The following ARID3A variants were observed in gnomAD, a reference collection of about 807,000 sequenced individuals.
ARID3A encodes the protein AT-rich interactive domain-containing protein 3A.
ARID3A carries 11 observed loss-of-function variants against 52.7 expected under a neutral mutation model. The ratio of observed to expected loss-of-function variants is 0.21; its 90% CI spans 0.13 to 0.35. ARID3A has a LOEUF of 0.35. ARID3A is among the 10% of genes least tolerant of loss of function. The pLI, the probability that ARID3A is intolerant of heterozygous loss-of-function variation, is 1.00. For missense variants in ARID3A, 721 were observed against 838.5 expected, an observed-to-expected ratio of 0.86 and a Z score of 1.73; for synonymous variants, 404 against 359.4, an observed-to-expected ratio of 1.12 and a Z score of -1.40.
intron 1 of ARID3A, among the ~76,000 whole-genome samples, chr19:927,434 C>T (rs920850151): frequency 4.6e-5 from 7 of 152,100 alleles, no homozygotes; most frequent in Non-Finnish European, 1.0e-4. Context: ...CCACCGGCCC[C>T]AACGTGGAGG....
rs1328805822 is a variant in ARID3A at position 973,926 on chromosome 19, T to A, written c.*1861T>A. The A allele has an allele frequency of 4.3e-6, 1 of 230,592 alleles. No individual in the cohort carries two copies. Among genetic ancestry groups the A allele is most frequent in the Admixed American group, 5.6e-5 (1 of 17,700 alleles). The allele number at this position is 230,592 out of a possible 1,614,324, so 14.3% of individuals were successfully genotyped here. A position where few individuals can be genotyped will look rare whatever the true frequency, so the allele number is the denominator to read the frequency against. The stretch of plus-strand genomic sequence containing the variant: ...GGGACTTCGTTGGACCCGCGTGGTG[T>A]TGGGCGGGGCTGTCGTGTCCTACAC... On this transcript the variant is annotated 3_prime_UTR_variant, in exon 9 of 9. Transcript: ENST00000263620.
intron 3 of ARID3A, among the ~76,000 whole-genome samples, chr19:957,251 AT>A (rs1375813500): frequency 1.3e-5 from 2 of 152,042 alleles, no homozygotes; most frequent in African/African-American, 4.8e-5. Flanking sequence ...TCGGTGGCTC[AT>A]TTCATAGCTG....
At chr19:958,877 G>T (rs1011624175) in intron 3 of ARID3A, among the ~76,000 whole-genome samples, 2 of 151,756 alleles carry the variant, frequency 1.3e-5, no homozygotes, top group African/African-American at 4.8e-5. Context: ...TGGGGACAGC[G>T]AGACTCCGTC....
chr19:949,319 C>T (rs1322503247), intron 3 of ARID3A, among the ~76,000 whole-genome samples: 2 of 152,108 alleles, frequency 1.3e-5, no homozygotes, highest in Non-Finnish European at 2.9e-5. Context: ...GGAGCAGCAG[C>T]CGCAGGTGCT....
chr19:930,914 C>T (rs1194048713), intron 2 of ARID3A, among the ~76,000 whole-genome samples: 1 of 152,194 alleles, frequency 6.6e-6, no homozygotes, highest in Admixed American at 6.5e-5. Context: ...ACCTGCATAG[C>T]GTGTGGGTCC....
At chr19:930,738 T>C (rs1436355972) in intron 2 of ARID3A, among the ~76,000 whole-genome samples, 1 of 150,862 alleles carries the variant, frequency 6.6e-6, no homozygotes, top group Non-Finnish European at 1.5e-5. Flanking sequence ...CTCGATCTCC[T>C]GACCTCATGA....
intron 3 of ARID3A, among the ~76,000 whole-genome samples, chr19:940,359 G>A (rs923369853): frequency 4.6e-5 from 7 of 152,012 alleles, no homozygotes; most frequent in East Asian, 1.9e-4. Flanking sequence ...GCACTGGGCC[G>A]CATTTACAGC....
At position 975,475 on chromosome 19, in the gene ARID3A, T is replaced by TG. The variant is rs1367542428; in HGVS notation, c.*3411dup. 9 of 228,288 alleles carry TG rather than the reference T, an allele frequency of 3.9e-5. No homozygotes were observed. Among genetic ancestry groups the TG allele is most frequent in the Non-Finnish European group, 6.1e-5 (7 of 114,886 alleles). The allele number at this position is 228,288 out of a possible 1,614,324, so 14.1% of individuals were successfully genotyped here. A position where few individuals can be genotyped will look rare whatever the true frequency, so the allele number is the denominator to read the frequency against. On this transcript the variant is annotated 3_prime_UTR_variant, in exon 9 of 9. Coordinates refer to ENST00000263620, the MANE Select transcript of ARID3A (RefSeq NM_005224.3). Reference sequence around the variant, plus strand: ...TCCCTTTTTTCCCCAATTGTGCTTTTGCATTTTTTTCCTTGGCAAATGTAA... The same window carrying TG: ...TCCCTTTTTTCCCCAATTGTGCTTTTGGCATTTTTTTCCTTGGCAAATGTAA...
chr19:930,348 T>C (rs1852120550), intron 2 of ARID3A, among the ~76,000 whole-genome samples: 1 of 150,716 alleles, frequency 6.6e-6, no homozygotes, highest in Non-Finnish European at 1.5e-5. Context: ...GGTCAGGAGC[T>C]CAAGACCAGC....
intron 3 of ARID3A, among the ~76,000 whole-genome samples, chr19:936,091 G>T (rs534288114): frequency 1.3e-5 from 2 of 151,862 alleles, no homozygotes; most frequent in Admixed American, 6.6e-5. Context: ...CGCCCGGCCC[G>T]TGATGGGATT....
rs548161631 is a variant in ARID3A, at chr19:966,347, A to G, written c.1199-225A>G. On this transcript the variant is annotated intron_variant, in intron 6 of 8. Transcript: ENST00000263620. ...GGTGGCGGGTGCCTGTTTCCCAGCT[A>G]CTAGGGAGGCTAAGGCAGGAGAATC... is the stretch of plus-strand genomic sequence containing the variant. 1.1e-4 allele frequency among the ~76,000 whole-genome samples: 16 copies of G among 151,608 alleles called. No homozygotes were observed. The South Asian group carries it at 1.5e-3, about 14-fold the overall frequency.
chr19:966,332 G>T (rs1226897111), intron 6 of ARID3A, among the ~76,000 whole-genome samples: 1 of 150,952 alleles, frequency 6.6e-6, no homozygotes, highest in Non-Finnish European at 1.5e-5. Context: ...GGTGGCGGGT[G>T]CCTGTTTCCC....
intron 3 of ARID3A, among the ~76,000 whole-genome samples, chr19:945,504 G>A (rs745863737): frequency 1.2e-4 from 19 of 152,280 alleles, no homozygotes; most frequent in African/African-American, 3.1e-4. Context: ...TCCCTGGAGC[G>A]GGCAGAGCCT....
chr19:940,784 C>T (rs956623244), intron 3 of ARID3A, among the ~76,000 whole-genome samples: 27 of 152,108 alleles, frequency 1.8e-4, no homozygotes, highest in Non-Finnish European at 2.4e-4. Flanking sequence ...CCGGGAGCCC[C>T]GGCTGCACGT....
chr19:963,930 G>A (rs936978635), intron 4 of ARID3A, among the ~76,000 whole-genome samples: 1 of 152,218 alleles, frequency 6.6e-6, no homozygotes, highest in African/African-American at 2.4e-5. Flanking sequence ...GCGTGGAGAA[G>A]GAATAACAAA....
chr19:965,322 T>C, intron 6 of ARID3A: 1 of 522,924 alleles, frequency 1.9e-6, no homozygotes, highest in Non-Finnish European at 3.4e-6. Flanking sequence ...TTTCCAGTCC[T>C]GTGGCCAAGG....
intron 4 of ARID3A, among the ~76,000 whole-genome samples, chr19:963,711 C>T (rs1175569440): frequency 2.6e-5 from 4 of 152,150 alleles, no homozygotes; most frequent in Admixed American, 1.3e-4. Context: ...ACCCTCTCCT[C>T]CTGGGCTAGC....
intron 3 of ARID3A, among the ~76,000 whole-genome samples, chr19:946,538 T>G (rs1409775948): frequency 1.3e-5 from 2 of 150,982 alleles, no homozygotes; most frequent in Non-Finnish European, 2.9e-5. Flanking sequence ...CCTCCCGGGT[T>G]CACGCCATTT....
Position 966,663 on chromosome 19 carries a change from G to C in ARID3A, c.1290G>C (p.Val430=). ...TGGTGGCAGCCCAGGCAGCAGCTGT[G>C]CAAGCAGCAGCCGCCCAAGCAGCTG... ...HPVVAAQAAA[V]QAAAAQAAVA... Residue 430 remains valine (V), a synonymous_variant, in exon 7 of 9, where the codon GTG becomes GTC. Coordinates refer to ENST00000263620, the MANE Select transcript of ARID3A (RefSeq NM_005224.3). The C allele has an allele frequency of 6.2e-7, 1 of 1,610,076 alleles. No homozygotes were observed. The highest frequency in any genetic ancestry group is 8.5e-7 in the Non-Finnish European group (1 of 1,177,864).
Sources: gnomAD v4.1 joint callset for allele counts (sites outside exome capture counted in the v4.1 genomes callset) on GRCh38, gnomAD v4.1.1 for gene constraint, MANE v1.5 for transcripts, NCBI Gene and HGNC (gene_info 2026-07-23, HGNC 2026-07-21) for gene names.